The following FSHR variants were observed in gnomAD, a reference collection of about 807,000 sequenced individuals.
FSHR encodes the protein follicle stimulating hormone receptor, also known as follicle-stimulating hormone receptor.
FSHR carries 46 observed loss-of-function variants against 52.1 expected under a neutral mutation model. The observed-to-expected ratio is 0.88, with a 90% CI of 0.70 to 1.13. FSHR has a LOEUF of 1.13. Among genes scored for constraint, FSHR ranks in the 50% most tolerant of loss-of-function variants. FSHR has a pLI of 0.00. For synonymous variants in FSHR, 399 were observed against 309.6 expected (o/e 1.29, Z -3.03); for missense variants, 964 against 834.6 (o/e 1.16, Z -1.91).
chr2:48,964,037 G>T, intron 9 of FSHR, 71 bp from the exon 10 acceptor site: 1 of 1,485,296 alleles, frequency 6.7e-7, no homozygotes, highest in South Asian at 1.1e-5. Context: ...CTGTCTTTGT[G>T]CAGGGTAGAA....
chr2:49,091,574 G>A (rs749947096), intron 1 of FSHR, among the ~76,000 whole-genome samples: 1 of 152,142 alleles, frequency 6.6e-6, no homozygotes, highest in Non-Finnish European at 1.5e-5. Context: ...TGGGATTACA[G>A]GCATGAGCCA....
intron 6 of FSHR, among the ~76,000 whole-genome samples, chr2:48,987,362 C>A (rs916586905): frequency 1.4e-4 from 21 of 151,684 alleles, no homozygotes; most frequent in African/African-American, 4.6e-4. Context: ...TGCCACCATG[C>A]CCAGCTAATT....
chr2:49,105,548 T>C (rs1463795216), intron 1 of FSHR, among the ~76,000 whole-genome samples: 1 of 152,098 alleles, frequency 6.6e-6, no homozygotes, highest in Non-Finnish European at 1.5e-5. Flanking sequence ...ATGGAAAAGA[T>C]TTAAATGAGA....
intron 6 of FSHR, 56 bp from the exon 7 acceptor site, chr2:48,983,222 G>T (rs1675337501): frequency 1.3e-6 from 2 of 1,528,710 alleles, no homozygotes; most frequent in African/African-American, 1.4e-5. Flanking sequence ...CAATACACGG[G>T]TTTCATAATT....
chr2:49,019,662 T>G (rs1380253311), intron 3 of FSHR, among the ~76,000 whole-genome samples: 1 of 152,208 alleles, frequency 6.6e-6, no homozygotes, highest in Non-Finnish European at 1.5e-5. Context: ...GAAAACTGAG[T>G]CTCAGATAGT....
intron 4 of FSHR, among the ~76,000 whole-genome samples, chr2:49,015,987 C>T (rs544460137): frequency 2.6e-5 from 4 of 152,228 alleles, no homozygotes; most frequent in African/African-American, 9.6e-5. Flanking sequence ...CTTTTTCAGA[C>T]CCTTTCTGGG....
chr2:49,141,525 C>T (rs541528288), intron 1 of FSHR, among the ~76,000 whole-genome samples: 1 of 152,040 alleles, frequency 6.6e-6, no homozygotes, highest in African/African-American at 2.4e-5. Flanking sequence ...GAGAACAGCA[C>T]CAAGCCATGA....
At chr2:48,984,388 A>G (rs1445918852) in intron 6 of FSHR, among the ~76,000 whole-genome samples, 1 of 152,224 alleles carries the variant, frequency 6.6e-6, no homozygotes, top group Non-Finnish European at 1.5e-5. Context: ...TTGCTGAGGT[A>G]GCTGTGGCAT....
intron 2 of FSHR, among the ~76,000 whole-genome samples, chr2:49,021,886 T>TATATATATATATATAGAGAG (rs1273265515): frequency 5.2e-4 from 13 of 25,116 alleles, no homozygotes; most frequent in Admixed American, 1.1e-3. Flanking sequence ...TATATATATA[T>TATATATATATATATAGAGAG]AGAGAGAGAG....
intron 2 of FSHR, among the ~76,000 whole-genome samples, chr2:49,030,904 A>G (rs1161214589): frequency 2.6e-5 from 4 of 152,336 alleles, no homozygotes; most frequent in Non-Finnish European, 5.9e-5. Flanking sequence ...AAGGTCAGGA[A>G]AAGGAAATGG....
chr2:49,114,739 C>G (rs1249675604), intron 1 of FSHR, among the ~76,000 whole-genome samples: 1 of 152,096 alleles, frequency 6.6e-6, no homozygotes, highest in Non-Finnish European at 1.5e-5. Flanking sequence ...GATGGTTTCT[C>G]TCTCACTCTG....
chr2:48,974,780 G>A (rs189151620), intron 8 of FSHR, among the ~76,000 whole-genome samples: 2 of 152,256 alleles, frequency 1.3e-5, no homozygotes, highest in East Asian at 3.9e-4. Flanking sequence ...GATGAGATAA[G>A]TAGATCTTGT....
intron 5 of FSHR, 33 bp from the exon 6 acceptor site, chr2:48,989,087 C>G (rs777802995): frequency 6.4e-7 from 1 of 1,560,326 alleles, no homozygotes; most frequent in East Asian, 2.3e-5. Flanking sequence ...AAGATACTTA[C>G]ATCAGCTCTA....
chr2:49,131,208 AT>A (rs1306507497), intron 1 of FSHR, among the ~76,000 whole-genome samples: 1 of 152,172 alleles, frequency 6.6e-6, no homozygotes, highest in Non-Finnish European at 1.5e-5. Context: ...TTCATTTGCT[AT>A]TTTCTTTCTT....
intron 2 of FSHR, among the ~76,000 whole-genome samples, chr2:49,055,704 A>G (rs1047876007): frequency 6.6e-6 from 1 of 152,100 alleles, no homozygotes; most frequent in Non-Finnish European, 1.5e-5. Context: ...TTGGATGAAG[A>G]GTAGATTTCT....
At chr2:48,991,244 C>A (rs992021336) in intron 4 of FSHR, among the ~76,000 whole-genome samples, 1 of 152,104 alleles carries the variant, frequency 6.6e-6, no homozygotes, top group Non-Finnish European at 1.5e-5. Flanking sequence ...CTGGCTTTCC[C>A]GGGAAGCAGA....
At chr2:49,110,777 A>G (rs1345272186) in intron 1 of FSHR, among the ~76,000 whole-genome samples, 1 of 152,172 alleles carries the variant, frequency 6.6e-6, no homozygotes, top group Non-Finnish European at 1.5e-5. Context: ...GCCAAGGACA[A>G]CATTTCCAGC....
chr2:49,127,883 C>CTTT (rs1672114258), intron 1 of FSHR, among the ~76,000 whole-genome samples: 1 of 34,228 alleles, frequency 2.9e-5, no homozygotes, highest in Non-Finnish European at 4.6e-5. Context: ...TCTTCTTCTT[C>CTTT]TTCTTCTTCT....
At chr2:49,008,472 T>C (rs1299534964) in intron 4 of FSHR, among the ~76,000 whole-genome samples, 1 of 152,054 alleles carries the variant, frequency 6.6e-6, no homozygotes, top group Non-Finnish European at 1.5e-5. Flanking sequence ...TTGTGAATAA[T>C]GCCGCAATAA....
Sources: gnomAD v4.1 joint callset for allele counts (sites outside exome capture counted in the v4.1 genomes callset) on GRCh38, gnomAD v4.1.1 for gene constraint, MANE v1.5 for transcripts, NCBI Gene and HGNC (gene_info 2026-07-23, HGNC 2026-07-21) for gene names.